Variants in MFSD6 observed in about 807,000 individuals in gnomAD.
MFSD6 encodes the protein major facilitator superfamily domain containing 6, also known as major facilitator superfamily domain-containing protein 6.
In MFSD6, 26 loss-of-function variants were observed where a neutral mutation model predicts 56.3. The ratio of observed to expected loss-of-function variants is 0.46; its 90% CI spans 0.34 to 0.64. The LOEUF (loss-of-function observed/expected upper bound fraction) is 0.64, where lower values mean the gene tolerates loss of function less well. MFSD6 is among the 30% of genes least tolerant of loss of function. The pLI, the probability that MFSD6 is intolerant of heterozygous loss-of-function variation, is 0.01. For synonymous variants in MFSD6, 331 were observed against 366.9 expected (o/e 0.90, Z 1.12); for missense variants, 750 against 986.2 (o/e 0.76, Z 3.21).
rs1264047904 is a variant in MFSD6, at chr2:190,443,711, C to G, written c.1532+6150C>G. On this transcript the variant is annotated intron_variant, in intron 3 of 7. Coordinates refer to ENST00000392328, the MANE Select transcript of MFSD6 (RefSeq NM_017694.4). This position sits in a 1 kb window ranked among gnomAD's most constrained non-coding sequence, Gnocchi z 4.2. ...TCAAATTGGAAGTGCACTCCTGATA[C>G]AGCCTTTATATAATAGAATCTTTTG... Among the ~76,000 whole-genome samples the G allele has an allele frequency of 6.6e-6, 1 of 152,194 alleles. No individual in the cohort carries two copies. Among genetic ancestry groups the G allele is most frequent in the Admixed American group, 6.5e-5 (1 of 15,274 alleles).
At chr2:190,445,266 C>G (rs1686532398) in intron 3 of MFSD6, among the ~76,000 whole-genome samples, 1 of 152,100 alleles carries the variant, frequency 6.6e-6, no homozygotes, top group Non-Finnish European at 1.5e-5. Flanking sequence ...ATGCAAGAAG[C>G]AGTCGGAGAT....
Position 190,458,935 on chromosome 2 carries a change from G to C in MFSD6, c.1533-10823G>C, listed in dbSNP as rs1687180405. Among the ~76,000 whole-genome samples the C allele has an allele frequency of 6.6e-6, 1 of 152,212 alleles. No homozygotes were observed. Among genetic ancestry groups the C allele is most frequent in the Admixed American group, 6.5e-5 (1 of 15,284 alleles). ...CTAGGATCAAGTTCAGCTGAGAACA[G>C]AGAATCATGCTTAGTTTCTGCTTAG... On this transcript the variant is annotated intron_variant, in intron 3 of 7. Coordinates refer to ENST00000392328, the MANE Select transcript of MFSD6 (RefSeq NM_017694.4). The surrounding 1 kb of genome is among the most constrained non-coding windows in gnomAD (Gnocchi z 5.3).
chr2:190,462,331 C>A lies in MFSD6; in HGVS notation c.1533-7427C>A, dbSNP rs557545922. ...CAGACACTGGCATTTAGCACCCAAG[C>A]GTCAGGGATTTTAAACATCCCACAG... On this transcript the variant is annotated intron_variant, in intron 3 of 7. Coordinates refer to ENST00000392328, the MANE Select transcript of MFSD6 (RefSeq NM_017694.4). This position sits in a 1 kb window ranked among gnomAD's most constrained non-coding sequence, Gnocchi z 5.7. Among the ~76,000 whole-genome samples the A allele has an allele frequency of 1.3e-5, 2 of 152,232 alleles. No individual in the cohort carries two copies. Among genetic ancestry groups the A allele is most frequent in the African/African-American group, 4.8e-5 (2 of 41,538 alleles).
rs56676240 is a variant in MFSD6 at position 190,454,932 on chromosome 2, G to GTATGTATATGTATATGTATATGTA, written c.1533-14781_1533-14758dup. On this transcript the variant is annotated intron_variant, in intron 3 of 7. Transcript: ENST00000392328. The surrounding 1 kb of genome is among the most constrained non-coding windows in gnomAD (Gnocchi z 4.6). ...GTATGTATATGTGTTCCTGGTTTCT[G>GTATGTATATGTATATGTATATGTA]TATGTATATGTATATGTATATGTAT... 7.8e-3 allele frequency among the ~76,000 whole-genome samples: 1,037 copies of GTATGTATATGTATATGTATATGTA among 132,884 alleles called. 24 individuals are homozygous for GTATGTATATGTATATGTATATGTA. The highest frequency in any genetic ancestry group is 0.021 in the African/African-American group (711 of 33,336). 87.2% of individuals were successfully genotyped at this position (132,884 alleles called of 152,430 possible).
In MFSD6 at chr2:190,428,798, G is replaced by A. The variant is rs1007617505; in HGVS notation, c.-53-7179G>A. 6.6e-5 allele frequency among the ~76,000 whole-genome samples: 10 copies of A among 151,812 alleles called. No homozygotes were observed. The South Asian group carries it at 8.4e-4, about 13-fold the overall frequency. On this transcript the variant is annotated intron_variant, in intron 2 of 7. Coordinates refer to ENST00000392328, the MANE Select transcript of MFSD6 (RefSeq NM_017694.4). ...AGTGATTCTCCTGCCTCAGCCCCCC[G>A]AGTAGCTGGGATTACAGGCATCTGC...
Position 190,486,815 on chromosome 2 carries a change from G to A in MFSD6, c.1631-1842G>A, listed in dbSNP as rs544759808. Among the ~76,000 whole-genome samples, 5 of 152,298 alleles carry A rather than the reference G, an allele frequency of 3.3e-5. 1 individual carries two copies. In the South Asian group the frequency reaches 1.0e-3, roughly 32 times the overall value. On this transcript the variant is annotated intron_variant, in intron 4 of 7. Coordinates refer to ENST00000392328, the MANE Select transcript of MFSD6 (RefSeq NM_017694.4). ...TATTTCTCAGGGGATGGAACCAGATGATTTCTTAATCTCGTCTAGCTATAA... is the reference window on the plus strand; with the variant it reads ...TATTTCTCAGGGGATGGAACCAGATAATTTCTTAATCTCGTCTAGCTATAA...
rs1389905680 is a variant in MFSD6, at chr2:190,454,531, T to C, written c.1533-15227T>C. ...TGTGTACGACTCTTTTTCTCTTTCT[T>C]TACCCTTCCCTCTTCCCCTCTGCCG... On this transcript the variant is annotated intron_variant, in intron 3 of 7. Coordinates refer to ENST00000392328, the MANE Select transcript of MFSD6 (RefSeq NM_017694.4). This position sits in a 1 kb window ranked among gnomAD's most constrained non-coding sequence, Gnocchi z 4.6. 1 of 152,136 alleles carries C rather than the reference T, an allele frequency of 6.6e-6. No homozygotes were observed. The highest frequency in any genetic ancestry group is 1.5e-5 in the Non-Finnish European group (1 of 68,126). The allele number at this position is 152,136 out of a possible 1,614,324, so 9.4% of individuals were successfully genotyped here.
Position 190,424,176 on chromosome 2 carries a change from G to A in MFSD6, c.-54+8763G>A, listed in dbSNP as rs1575822890. Among the ~76,000 whole-genome samples, 3 of 151,058 alleles carry A rather than the reference G, an allele frequency of 2.0e-5. No individual in the cohort carries two copies. The highest frequency in any genetic ancestry group is 2.0e-4 in the Admixed American group (3 of 15,222). On this transcript the variant is annotated intron_variant, in intron 2 of 7. Transcript: ENST00000392328. The surrounding 1 kb of genome is among the most constrained non-coding windows in gnomAD (Gnocchi z 5.9). ...ATTAGTTTTTCCTTTTATGGATCAT[G>A]GTATCGGTGTCAAGTCTAAAAACTC... is the stretch of plus-strand genomic sequence containing the variant.
Position 190,500,045 on chromosome 2 carries a change from G to A in MFSD6, c.2203G>A (p.Ala735Thr). Residue 735 changes from alanine to threonine, a missense_variant, in exon 8 of 8, where the codon GCT becomes ACT. Transcript: ENST00000392328. The surrounding 1 kb of genome is among the most constrained non-coding windows in gnomAD (Gnocchi z 5.3). ...GTNENRENSP[A>T]GRAQPVPCET... ...CAATGAGAATAGGGAAAATTCTCCT[G>A]CTGGTAGAGCCCAGCCTGTCCCATG... The A allele has an allele frequency of 6.2e-7, 1 of 1,614,148 alleles. No individual in the cohort carries two copies. Among genetic ancestry groups the A allele is most frequent in the Non-Finnish European group, 8.5e-7 (1 of 1,180,026 alleles).
Position 190,426,985 on chromosome 2 carries a change from T to C in MFSD6, c.-53-8992T>C, listed in dbSNP as rs1300340736. On this transcript the variant is annotated intron_variant, in intron 2 of 7. Transcript: ENST00000392328. This position sits in a 1 kb window ranked among gnomAD's most constrained non-coding sequence, Gnocchi z 4.7. ...TACCTGAAGGTGAAAGACTTTTCAT[T>C]ACTGTGAAGTGGAGATGGGCATTTC... is the stretch of plus-strand genomic sequence containing the variant. Among the ~76,000 whole-genome samples the C allele has an allele frequency of 6.6e-6, 1 of 152,218 alleles. No homozygotes were observed. Among genetic ancestry groups the C allele is most frequent in the Non-Finnish European group, 1.5e-5 (1 of 68,030 alleles).
rs1422406887 is a variant in MFSD6, at chr2:190,451,370, G to T, written c.1532+13809G>T. On this transcript the variant is annotated intron_variant, in intron 3 of 7. Coordinates refer to ENST00000392328, the MANE Select transcript of MFSD6 (RefSeq NM_017694.4). The surrounding 1 kb of genome is among the most constrained non-coding windows in gnomAD (Gnocchi z 5.0). The stretch of plus-strand genomic sequence containing the variant: ...AATAAGTCCTCAACTATGAACAGTA[G>T]GTAGTATTGTTACTAATTCATTCCT... Among the ~76,000 whole-genome samples, 2 of 152,152 alleles carry T rather than the reference G, an allele frequency of 1.3e-5. No homozygotes were observed. Among genetic ancestry groups the T allele is most frequent in the Non-Finnish European group, 2.9e-5 (2 of 68,016 alleles).
rs1174334263 is a variant in MFSD6 at position 190,465,145 on chromosome 2, T to TC, written c.1533-4612dup. Among the ~76,000 whole-genome samples, 1 of 152,222 alleles carries TC rather than the reference T, an allele frequency of 6.6e-6. No homozygotes were observed. Among genetic ancestry groups the TC allele is most frequent in the Non-Finnish European group, 1.5e-5 (1 of 68,044 alleles). ...AAATTAGAATCTGTAACAATTTTTT[T>TC]CTCCTACTCTTGTAGTTTGCTCAAA... On this transcript the variant is annotated intron_variant, in intron 3 of 7. Coordinates refer to ENST00000392328, the MANE Select transcript of MFSD6 (RefSeq NM_017694.4). The surrounding 1 kb of genome is among the most constrained non-coding windows in gnomAD (Gnocchi z 4.6).
intron 3 of MFSD6, among the ~76,000 whole-genome samples, chr2:190,446,424 A>G (rs575501728): frequency 6.6e-6 from 1 of 152,298 alleles, no homozygotes; most frequent in African/African-American, 2.4e-5. Context: ...GCTAAATCCT[A>G]TAGTTCCAAC....
intron 4 of MFSD6, among the ~76,000 whole-genome samples, chr2:190,474,531 C>A (rs565939950): frequency 6.6e-6 from 1 of 152,292 alleles, no homozygotes; most frequent in African/African-American, 2.4e-5. Context: ...AGTTGAATCT[C>A]TGAATAGACC....
chr2:190,413,541 G>GGGGAAAGACA lies in MFSD6; in HGVS notation c.-175-1736_-175-1727dup, dbSNP rs372673134. Among the ~76,000 whole-genome samples, 307 of 152,280 alleles carry GGGGAAAGACA rather than the reference G, an allele frequency of 2.0e-3. 1 individual carries two copies. The highest frequency in any genetic ancestry group is 7.1e-3 in the Admixed American group (108 of 15,296). On this transcript the variant is annotated intron_variant, in intron 1 of 7. Transcript: ENST00000392328. This position sits in a 1 kb window ranked among gnomAD's most constrained non-coding sequence, Gnocchi z 4.1. ...TTGATCTGAGACCAAGAGTGGGATGGGGGAAAGACAGGGAAAGACAGGGAC... is the reference window on the plus strand; with the variant it reads ...TTGATCTGAGACCAAGAGTGGGATGGGGGAAAGACAGGGAAAGACAGGGAAAGACAGGGAC...
rs543773327 is a variant in MFSD6, at chr2:190,448,189, G to T, written c.1532+10628G>T. Reference sequence around the variant, plus strand: ...TGGTCAAAGTGTATGGTAGACAAGAGTAAAGATGGTTCCTGCAAATTCCAT... The same window carrying T: ...TGGTCAAAGTGTATGGTAGACAAGATTAAAGATGGTTCCTGCAAATTCCAT... On this transcript the variant is annotated intron_variant, in intron 3 of 7. Coordinates refer to ENST00000392328, the MANE Select transcript of MFSD6 (RefSeq NM_017694.4). 9.8e-5 allele frequency among the ~76,000 whole-genome samples: 15 copies of T among 152,320 alleles called. No individual in the cohort carries two copies. In the East Asian group the frequency reaches 2.9e-3, roughly 29 times the overall value.
rs34653659 is a variant in MFSD6, at chr2:190,447,098, A to AT, written c.1532+9537_1532+9538insT. 0.23 allele frequency among the ~76,000 whole-genome samples: 35,010 copies of AT among 152,094 alleles called. 4,934 individuals carry two copies. The highest frequency in any genetic ancestry group is 0.33 in the South Asian group (1,596 of 4,822). On this transcript the variant is annotated intron_variant, in intron 3 of 7. Transcript: ENST00000392328. The surrounding 1 kb of genome is among the most constrained non-coding windows in gnomAD (Gnocchi z 4.5). ...TGATTCATAGGCTCAGTAAAAAAAAAAACTTGAAAGGATGTCTTGACACAC... is the reference window on the plus strand; with the variant it reads ...TGATTCATAGGCTCAGTAAAAAAAAATAACTTGAAAGGATGTCTTGACACAC...
In MFSD6 at chr2:190,471,978, AG is replaced by A. The variant is rs1687968069; in HGVS notation, c.1630+2126del. ...TTTCACTGCTGATACCCAGGCAAAC[AG>A]GGTCTGGAGTGGACCTCCAGCAAAC... On this transcript the variant is annotated intron_variant, in intron 4 of 7. Transcript: ENST00000392328. This position sits in a 1 kb window ranked among gnomAD's most constrained non-coding sequence, Gnocchi z 4.7. 6.6e-6 allele frequency among the ~76,000 whole-genome samples: 1 copy of A among 152,226 alleles called. No individual in the cohort carries two copies. The highest frequency in any genetic ancestry group is 1.5e-5 in the Non-Finnish European group (1 of 68,032).
chr2:190,417,965 G>GGTGTGTGTGTGTGTGT lies in MFSD6; in HGVS notation c.-54+2573_-54+2588dup, dbSNP rs59001642. On this transcript the variant is annotated intron_variant, in intron 2 of 7. Transcript: ENST00000392328. This position sits in a 1 kb window ranked among gnomAD's most constrained non-coding sequence, Gnocchi z 5.7. ...CTGACTTTTCATTTAACCCTTTAGT[G>GGTGTGTGTGTGTGTGT]GTGTGTGTGTGTGTGTGTGTGTGTG... Among the ~76,000 whole-genome samples the GGTGTGTGTGTGTGTGT allele has an allele frequency of 3.3e-4, 48 of 144,704 alleles. No homozygotes were observed. Among genetic ancestry groups the GGTGTGTGTGTGTGTGT allele is most frequent in the African/African-American group, 8.5e-4 (33 of 38,610 alleles). 94.9% of individuals were successfully genotyped at this position (144,704 alleles called of 152,430 possible).
Sources: allele counts gnomAD v4.1 joint callset (sites outside exome capture counted in the v4.1 genomes callset), GRCh38; gene constraint gnomAD v4.1.1; non-coding constraint Gnocchi (gnomAD v3.1); transcripts MANE v1.5; gene names NCBI Gene and HGNC (gene_info 2026-07-23, HGNC 2026-07-21).